The following ITGB1 variants were observed in gnomAD, a reference collection of about 807,000 sequenced individuals.
ITGB1 encodes integrin beta-1.
ITGB1 carries 24 observed loss-of-function variants against 86.5 expected under a neutral mutation model. The ratio of observed to expected loss-of-function variants is 0.28; its 90% CI spans 0.20 to 0.39. ITGB1 has a LOEUF of 0.39. ITGB1 is among the 10% of genes least tolerant of loss of function. The pLI is 1.00. For missense variants in ITGB1, 556 were observed against 946.9 expected (o/e 0.59, Z 5.42); for synonymous variants, 323 against 316.8 (o/e 1.02, Z -0.21).
chr10:32,956,923 T>C (rs573496776), intron 1 of ITGB1, among the ~76,000 whole-genome samples: 25 of 152,208 alleles, frequency 1.6e-4, no homozygotes, highest in Non-Finnish European at 3.2e-4. Flanking sequence ...GAACTATAGT[T>C]AGGAAGGTTA....
chr10:32,954,803 T>G (rs2095049229), intron 1 of ITGB1, among the ~76,000 whole-genome samples: 1 of 152,196 alleles, frequency 6.6e-6, no homozygotes, highest in African/African-American at 2.4e-5. Flanking sequence ...CACACACGTT[T>G]CATGAGGTGA....
intron 1 of ITGB1, chr10:32,944,705 A>G: frequency 1.5e-6 from 1 of 681,812 alleles, no homozygotes; most frequent in Non-Finnish European, 2.8e-6. Context: ...AGCTTCTTAG[A>G]CAGACAAAGT....
rs2094909471 is a variant in ITGB1 at position 32,910,389 on chromosome 10, G to A, written c.1998C>T (p.Ser666=). ...TTTCTACCTTGGTAATGTTAAAATAGGAACATTCCTGTGTGCATGTGTCTT... is the reference window on the plus strand; with the variant it reads ...TTTCTACCTTGGTAATGTTAAAATAAGAACATTCCTGTGTGCATGTGTCTT... ...EKKDTCTQEC[S]YFNITKVESR... The change falls in exon 14 of 16, where the codon TCC becomes TCT. Residue 666 remains serine (S), a synonymous_variant. Coordinates refer to ENST00000302278, the MANE Select transcript of ITGB1 (RefSeq NM_002211.4). 1.0e-5 allele frequency: 16 copies of A among 1,600,472 alleles called. No homozygotes were observed. Among genetic ancestry groups the A allele is most frequent in the Non-Finnish European group, 1.3e-5 (15 of 1,168,058 alleles).
chr10:32,952,040 GTC>G (rs2095043670), intron 1 of ITGB1, among the ~76,000 whole-genome samples: 6 of 152,076 alleles, frequency 3.9e-5, no homozygotes, highest in Admixed American at 3.9e-4. Context: ...TCTCCATCCT[GTC>G]TGTGGTGGAG....
At chr10:32,920,465 C>A in intron 9 of ITGB1, 80 bp from the exon 10 acceptor site, 2 of 1,264,262 alleles carry the variant, frequency 1.6e-6, no homozygotes, top group Admixed American at 2.2e-5. Context: ...ATAAACTGCT[C>A]AGAAAAAAAT....
At chr10:32,929,380 C>T (rs778770851) in intron 4 of ITGB1, among the ~76,000 whole-genome samples, 6 of 152,018 alleles carry the variant, frequency 3.9e-5, no homozygotes, top group African/African-American at 7.2e-5. Flanking sequence ...ACCAGAAAAG[C>T]GAGGATGAGG....
At chr10:32,919,340 A>G (rs930798637) in intron 11 of ITGB1, among the ~76,000 whole-genome samples, 8 of 152,220 alleles carry the variant, frequency 5.3e-5, no homozygotes, top group Non-Finnish European at 1.5e-5. Flanking sequence ...AATCTGAAGT[A>G]ATTTTGTTAG....
At chr10:32,944,828 G>C (rs2095027478) in intron 1 of ITGB1, 1 of 1,005,686 alleles carries the variant, frequency 9.9e-7, no homozygotes, top group African/African-American at 1.6e-5. Flanking sequence ...CAAAACTGTG[G>C]GCACTGATGA....
chr10:32,943,369 T>A lies in ITGB1; in HGVS notation c.1-7811A>T, dbSNP rs371802304. 3.3e-3 allele frequency among the ~76,000 whole-genome samples: 508 copies of A among 151,662 alleles called. 1 individual carries two copies. Among genetic ancestry groups the A allele is most frequent in the Middle Eastern group, 0.02 (6 of 294 alleles). The stretch of plus-strand genomic sequence containing the variant: ...TTAACATGAAAGCATGATTTTTTTT[T>A]AAATTTTGTAGAAATGCCCAAATCT... On this transcript the variant is annotated intron_variant, in intron 1 of 15. Coordinates refer to ENST00000302278, the MANE Select transcript of ITGB1 (RefSeq NM_002211.4).
At chr10:32,949,767 G>A (rs867436460) in intron 1 of ITGB1, among the ~76,000 whole-genome samples, 136 of 152,002 alleles carry the variant, frequency 8.9e-4, no homozygotes, top group Non-Finnish European at 1.4e-3. Context: ...TAAAAGTATG[G>A]TTTTATATCA....
At chr10:32,914,004 C>A (rs575014077) in intron 11 of ITGB1, among the ~76,000 whole-genome samples, 1 of 152,088 alleles carries the variant, frequency 6.6e-6, no homozygotes, top group Non-Finnish European at 1.5e-5. Flanking sequence ...AGAGTGGGGG[C>A]CAATATTTAA....
intron 3 of ITGB1, among the ~76,000 whole-genome samples, chr10:32,931,983 T>C (rs949599055): frequency 6.6e-6 from 1 of 152,054 alleles, no homozygotes; most frequent in Non-Finnish European, 1.5e-5. Flanking sequence ...AATAAGCTTA[T>C]ATTGGGATGC....
intron 1 of ITGB1, among the ~76,000 whole-genome samples, chr10:32,954,722 T>C (rs1166178792): frequency 2.0e-5 from 3 of 152,212 alleles, no homozygotes; most frequent in Non-Finnish European, 4.4e-5. Flanking sequence ...AAGAAATACA[T>C]ACATATATGT....
intron 3 of ITGB1, among the ~76,000 whole-genome samples, chr10:32,931,685 A>G (rs1173273831): frequency 1.3e-5 from 2 of 152,156 alleles, no homozygotes; most frequent in African/African-American, 4.8e-5. Context: ...ACCATACGAC[A>G]TATCTGACAC....
At chr10:32,934,093 G>T (rs1474785471) in intron 2 of ITGB1, among the ~76,000 whole-genome samples, 2 of 151,926 alleles carry the variant, frequency 1.3e-5, no homozygotes, top group Non-Finnish European at 2.9e-5. Flanking sequence ...AAACCTAAAA[G>T]AATAATTAAC....
At chr10:32,904,315 A>G (rs529303755) in intron 15 of ITGB1, among the ~76,000 whole-genome samples, 75 of 152,336 alleles carry the variant, frequency 4.9e-4, no homozygotes, top group Non-Finnish European at 8.2e-4. Context: ...GAACAGGGTT[A>G]TATTATGAAA....
At chr10:32,909,296 G>A (rs1333766194) in intron 14 of ITGB1, among the ~76,000 whole-genome samples, 6 of 152,020 alleles carry the variant, frequency 3.9e-5, no homozygotes, top group Non-Finnish European at 8.8e-5. Context: ...AGTGGACACT[G>A]ACATGAAAAA....
At chr10:32,916,300 G>A (rs1392074207) in intron 11 of ITGB1, among the ~76,000 whole-genome samples, 2 of 152,214 alleles carry the variant, frequency 1.3e-5, no homozygotes, top group Non-Finnish European at 2.9e-5. Flanking sequence ...AGTGTTGGAA[G>A]TTCTGGCCAG....
intron 3 of ITGB1, among the ~76,000 whole-genome samples, chr10:32,931,018 A>C (rs1213029008): frequency 6.6e-6 from 1 of 152,182 alleles, no homozygotes; most frequent in Non-Finnish European, 1.5e-5. Context: ...TGTATAAAGT[A>C]ACAGTAAGTG....
Sources: allele counts gnomAD v4.1 joint callset (sites outside exome capture counted in the v4.1 genomes callset), GRCh38; gene constraint gnomAD v4.1.1; transcripts MANE v1.5; gene names NCBI Gene and HGNC (gene_info 2026-07-23, HGNC 2026-07-21).